Variants in GKAP1 observed in about 807,000 individuals in gnomAD.
GKAP1 encodes G kinase anchoring protein 1, also known as G kinase-anchoring protein 1.
GKAP1 carries 31 observed loss-of-function variants against 56.7 expected under a neutral mutation model. The ratio of observed to expected loss-of-function variants is 0.55; its 90% CI spans 0.41 to 0.74. The LOEUF (loss-of-function observed/expected upper bound fraction) is 0.74. Ranked by LOEUF, GKAP1 falls within the 30% of genes least tolerant of loss-of-function variation. The probability of loss-of-function intolerance (pLI) is 0.00; values close to 1 mark genes in which losing one functional copy is unlikely to be tolerated. For missense variants in GKAP1, 364 were observed against 402.3 expected, an observed-to-expected ratio of 0.90 and a Z score of 0.82; for synonymous variants, 151 against 138.6, an observed-to-expected ratio of 1.09 and a Z score of -0.63.
chr9:83,777,622 A>G (rs1943885756), intron 7 of GKAP1, among the ~76,000 whole-genome samples: 1 of 152,192 alleles, frequency 6.6e-6, no homozygotes, highest in Non-Finnish European at 1.5e-5. Flanking sequence ...TCCCTTCTGA[A>G]TGTTATCCAA....
intron 10 of GKAP1, among the ~76,000 whole-genome samples, chr9:83,746,091 T>G (rs1307827360): frequency 6.6e-6 from 1 of 151,906 alleles, no homozygotes; most frequent in Non-Finnish European, 1.5e-5. Flanking sequence ...GCGCCTGGCC[T>G]CCCCCCATAA....
chr9:83,755,233 GT>G (rs763587883), intron 8 of GKAP1, among the ~76,000 whole-genome samples: 52 of 152,224 alleles, frequency 3.4e-4, no homozygotes, highest in Non-Finnish European at 5.9e-4. Context: ...CTGGACATCA[GT>G]TTAAATGCCA....
At chr9:83,816,140 G>C (rs1944588449) in intron 2 of GKAP1, among the ~76,000 whole-genome samples, 1 of 151,406 alleles carries the variant, frequency 6.6e-6, no homozygotes, top group East Asian at 1.9e-4. Context: ...TGTGAGCCGA[G>C]ATCGCGCCAT....
chr9:83,802,481 C>CAGA (rs1376376665), intron 3 of GKAP1, among the ~76,000 whole-genome samples: 1 of 122,386 alleles, frequency 8.2e-6, no homozygotes, highest in Non-Finnish European at 1.7e-5. Flanking sequence ...GACTCCATCT[C>CAGA]AGAAAAAAAA....
intron 10 of GKAP1, 46 bp downstream of exon 10, chr9:83,748,260 ATAT>A (rs752745834): frequency 4.0e-6 from 5 of 1,253,960 alleles, no homozygotes. Context: ...GTACCTTCAG[ATAT>A]TATTTAAGAT....
At chr9:83,780,472 A>G in intron 6 of GKAP1, 68 bp from the exon 7 acceptor site, 1 of 821,040 alleles carries the variant, frequency 1.2e-6, no homozygotes, top group Non-Finnish European at 1.9e-6. Flanking sequence ...ATGTAAAAAA[A>G]AAAAAAAAAA....
intron 2 of GKAP1, among the ~76,000 whole-genome samples, chr9:83,807,756 T>C (rs1791581045): frequency 6.6e-6 from 1 of 152,226 alleles, no homozygotes; most frequent in Non-Finnish European, 1.5e-5. Flanking sequence ...GTTACATATA[T>C]ATTTCTTACT....
At chr9:83,778,088 C>T (rs908936572) in intron 7 of GKAP1, among the ~76,000 whole-genome samples, 15 of 152,062 alleles carry the variant, frequency 9.9e-5, no homozygotes, top group Non-Finnish European at 1.8e-4. Flanking sequence ...AATGCTTATC[C>T]ACTGTTGGTG....
At chr9:83,805,026 G>A (rs1365264429) in intron 3 of GKAP1, among the ~76,000 whole-genome samples, 21 of 152,228 alleles carry the variant, frequency 1.4e-4, no homozygotes, top group Admixed American at 3.3e-4. Flanking sequence ...TGGAATAGAA[G>A]GGGGGGAAAG....
At chr9:83,765,146 C>T (rs1055530704) in intron 8 of GKAP1, among the ~76,000 whole-genome samples, 2 of 152,176 alleles carry the variant, frequency 1.3e-5, no homozygotes, top group African/African-American at 2.4e-5. Context: ...GCCCTGTGTC[C>T]CAGCTGCTCC....
intron 8 of GKAP1, among the ~76,000 whole-genome samples, chr9:83,755,021 G>T (rs1317559050): frequency 6.6e-6 from 1 of 152,148 alleles, no homozygotes; most frequent in Non-Finnish European, 1.5e-5. Flanking sequence ...TTTGATGAAA[G>T]GTTTAAAGAA....
chr9:83,760,002 T>C (rs1020365342), intron 8 of GKAP1, among the ~76,000 whole-genome samples: 1 of 152,224 alleles, frequency 6.6e-6, no homozygotes, highest in African/African-American at 2.4e-5. Context: ...TTAATTAAAC[T>C]GGTTTATACT....
intron 10 of GKAP1, 50 bp downstream of exon 10, chr9:83,748,259 G>C (rs1564188413): frequency 8.0e-7 from 1 of 1,242,920 alleles, no homozygotes; most frequent in Non-Finnish European, 1.2e-6. Flanking sequence ...AGTACCTTCA[G>C]ATATTATTTA....
chr9:83,788,892 C>T lies in GKAP1; in HGVS notation c.361-214G>A, dbSNP rs1944109579. On this transcript the variant is annotated intron_variant, in intron 4 of 12. Transcript: ENST00000376371. ...TTCCAATTTTGAGATTTCCATTTCT[C>T]CTCTTCATTGTTATCTATTATATAT... 8 of 362,024 alleles carry T rather than the reference C, an allele frequency of 2.2e-5. No individual in the cohort carries two copies. In the East Asian group the frequency reaches 3.3e-4, roughly 15 times the overall value. The allele number at this position is 362,024 out of a possible 1,614,324, so 22.4% of individuals were successfully genotyped here. A position where few individuals can be genotyped will look rare whatever the true frequency, so the allele number is the denominator to read the frequency against.
At chr9:83,787,405 T>TA (rs111845170) in intron 5 of GKAP1, among the ~76,000 whole-genome samples, 82,873 of 150,982 alleles carry the variant, frequency 0.55, 23,522 homozygotes, top group Admixed American at 0.69. Context: ...CCCAGCTAAT[T>TA]AAAAAAAAAT....
At chr9:83,771,548 T>C (rs7859179) in intron 7 of GKAP1, among the ~76,000 whole-genome samples, 83,229 of 152,130 alleles carry the variant, frequency 0.55, 23,692 homozygotes, top group Admixed American at 0.69. Flanking sequence ...TTAAAAATGG[T>C]TGTGCAACAC....
At chr9:83,792,853 C>CT (rs1245412523) in intron 4 of GKAP1, 8 of 244,678 alleles carry the variant, frequency 3.3e-5, no homozygotes, top group Admixed American at 1.9e-4. Flanking sequence ...TGGGAAGTTC[C>CT]TTATTATTTT....
chr9:83,803,270 C>T (rs1460078360), intron 3 of GKAP1, among the ~76,000 whole-genome samples: 1 of 146,176 alleles, frequency 6.8e-6, no homozygotes, highest in South Asian at 2.2e-4. Context: ...GTCTCCCTCT[C>T]CCTCTCTTTC....
chr9:83,747,122 G>A (rs1305445224), intron 10 of GKAP1, among the ~76,000 whole-genome samples: 1 of 152,062 alleles, frequency 6.6e-6, no homozygotes, highest in African/African-American at 2.4e-5. Flanking sequence ...TTCTTTTGTG[G>A]TTTATAATTT....
Sources: gnomAD v4.1 joint callset for allele counts (sites outside exome capture counted in the v4.1 genomes callset) on GRCh38, gnomAD v4.1.1 for gene constraint, MANE v1.5 for transcripts, NCBI Gene and HGNC (gene_info 2026-07-23, HGNC 2026-07-21) for gene names.